Variants in PRKCE observed in about 807,000 individuals in gnomAD.
PRKCE encodes protein kinase C epsilon type.
PRKCE carries 16 observed loss-of-function variants against 85.4 expected under a neutral mutation model. The observed-to-expected ratio is 0.19, with a 90% CI of 0.13 to 0.28. The LOEUF (loss-of-function observed/expected upper bound fraction) is 0.28, where lower values mean the gene tolerates loss of function less well. PRKCE is among the 10% of genes least tolerant of loss of function. The pLI is 1.00. For missense variants in PRKCE, 573 were observed against 975.2 expected (o/e 0.59, Z 5.49); for synonymous variants, 388 against 371.5 (o/e 1.04, Z -0.51).
rs77289211 is a variant in PRKCE, at chr2:45,848,753, A to G, written c.412+5690A>G. The stretch of plus-strand genomic sequence containing the variant: ...TTGCCTTCAAGGAGCTTGCAATTCA[A>G]TTAGGCACCCTAGACTTGCAGGATG... On this transcript the variant is annotated intron_variant, in intron 2 of 14. Coordinates refer to ENST00000306156, the MANE Select transcript of PRKCE (RefSeq NM_005400.3). 9.0e-3 allele frequency among the ~76,000 whole-genome samples: 1,368 copies of G among 152,348 alleles called. 6 individuals carry two copies. Among genetic ancestry groups the G allele is most frequent in the African/African-American group, 0.011 (451 of 41,586 alleles).
At chr2:45,790,072 T>C (rs1276296576) in intron 1 of PRKCE, among the ~76,000 whole-genome samples, 1 of 152,172 alleles carries the variant, frequency 6.6e-6, no homozygotes, top group Non-Finnish European at 1.5e-5. Context: ...AAGTGGTTTG[T>C]GGAAAGATCA....
intron 11 of PRKCE, among the ~76,000 whole-genome samples, chr2:46,121,241 G>A (rs1673286801): frequency 6.6e-6 from 1 of 152,184 alleles, no homozygotes; most frequent in African/African-American, 2.4e-5. Flanking sequence ...CATTCTTGGG[G>A]TTAATAAGCT....
chr2:45,662,732 C>T (rs771134652), intron 1 of PRKCE, among the ~76,000 whole-genome samples: 1 of 151,116 alleles, frequency 6.6e-6, no homozygotes. Context: ...TTGTTGTGAT[C>T]GAAATCACAA....
At chr2:45,690,063 C>A (rs187130799) in intron 1 of PRKCE, among the ~76,000 whole-genome samples, 31 of 152,254 alleles carry the variant, frequency 2.0e-4, no homozygotes, top group African/African-American at 7.2e-4. Flanking sequence ...GCACACTATC[C>A]TGCTTCTTGC....
intron 14 of PRKCE, among the ~76,000 whole-genome samples, chr2:46,180,206 T>C (rs1679831855): frequency 6.6e-6 from 1 of 152,034 alleles, no homozygotes; most frequent in Non-Finnish European, 1.5e-5. Flanking sequence ...AGAAAGGGCA[T>C]GTACATGGAG....
chr2:46,163,292 G>T (rs1677958129), intron 14 of PRKCE, among the ~76,000 whole-genome samples: 2 of 150,890 alleles, frequency 1.3e-5, no homozygotes, highest in South Asian at 4.2e-4. Flanking sequence ...CATCCCCATA[G>T]AGGCCACTGA....
At chr2:46,031,391 A>T (rs573498579) in intron 10 of PRKCE, among the ~76,000 whole-genome samples, 1 of 152,094 alleles carries the variant, frequency 6.6e-6, no homozygotes, top group African/African-American at 2.4e-5. Context: ...CCCACTGATC[A>T]TCTCACATCC....
At chr2:45,791,202 C>A (rs993556874) in intron 1 of PRKCE, among the ~76,000 whole-genome samples, 2 of 152,212 alleles carry the variant, frequency 1.3e-5, no homozygotes, top group African/African-American at 4.8e-5. Context: ...TCATTCCCAC[C>A]TAATCAGCCC....
intron 2 of PRKCE, among the ~76,000 whole-genome samples, chr2:45,858,744 A>G (rs1195504354): frequency 2.6e-5 from 4 of 152,094 alleles, no homozygotes; most frequent in African/African-American, 9.7e-5. Context: ...TTTGAGCTTT[A>G]CTTAAATAGT....
intron 10 of PRKCE, among the ~76,000 whole-genome samples, chr2:46,018,371 C>T (rs893650078): frequency 1.3e-5 from 2 of 152,074 alleles, no homozygotes; most frequent in Non-Finnish European, 2.9e-5. Context: ...AACTTGAAGC[C>T]TCATGGGAGC....
intron 1 of PRKCE, among the ~76,000 whole-genome samples, chr2:45,762,407 C>T (rs530018282): frequency 1.3e-5 from 2 of 152,316 alleles, no homozygotes; most frequent in South Asian, 4.1e-4. Context: ...CCCTGCTGAA[C>T]TTTGTCACTT....
chr2:45,651,897 C>G lies in PRKCE; in HGVS notation c.-204C>G. ...CCCAGCTCTCCCCCCTCCCTGTTTT[C>G]CGTTAGGAACCCGGCGAGGAAATAC... On this transcript the variant is annotated 5_prime_UTR_variant, in exon 1 of 15. Transcript: ENST00000306156. 1 of 495,048 alleles carries G rather than the reference C, an allele frequency of 2.0e-6. No individual in the cohort carries two copies. The highest frequency in any genetic ancestry group is 3.6e-6 in the Non-Finnish European group (1 of 281,606). The allele number at this position is 495,048 out of a possible 1,614,324, so 30.7% of individuals were successfully genotyped here.
At chr2:45,969,330 C>G (rs1701950376) in intron 2 of PRKCE, among the ~76,000 whole-genome samples, 1 of 152,154 alleles carries the variant, frequency 6.6e-6, no homozygotes, top group Admixed American at 6.5e-5. Context: ...CAGATGCAGG[C>G]ATAAAACAAC....
chr2:45,716,379 T>C (rs534602525), intron 1 of PRKCE, among the ~76,000 whole-genome samples: 1 of 152,144 alleles, frequency 6.6e-6, no homozygotes, highest in Admixed American at 6.5e-5. Context: ...TAGCCAGGCG[T>C]GGTGTCGCAT....
At chr2:46,006,369 G>C (rs1705201601) in intron 8 of PRKCE, among the ~76,000 whole-genome samples, 1 of 152,160 alleles carries the variant, frequency 6.6e-6, no homozygotes, top group Non-Finnish European at 1.5e-5. Flanking sequence ...AACTGGCAAG[G>C]GGAGTGTCTG....
At chr2:45,726,393 C>T (rs1235308126) in intron 1 of PRKCE, among the ~76,000 whole-genome samples, 6 of 152,180 alleles carry the variant, frequency 3.9e-5, no homozygotes, top group Non-Finnish European at 5.9e-5. Context: ...GCCACCCTGA[C>T]CTTCAGCAAT....
intron 14 of PRKCE, among the ~76,000 whole-genome samples, chr2:46,181,144 T>C (rs1679936457): frequency 6.6e-6 from 1 of 152,192 alleles, no homozygotes; most frequent in African/African-American, 2.4e-5. Flanking sequence ...GTAGCAGCTT[T>C]TCAAAGAATA....
chr2:45,850,649 T>A (rs1336768767), intron 2 of PRKCE, among the ~76,000 whole-genome samples: 1 of 152,238 alleles, frequency 6.6e-6, no homozygotes, highest in East Asian at 1.9e-4. Context: ...TACCTAGCTT[T>A]GTTGAAACAT....
intron 3 of PRKCE, 190 bp from the exon 4 acceptor site, chr2:45,978,786 A>G (rs2249633): frequency 0.37 from 208,827 of 566,764 alleles, 42,207 homozygotes; most frequent in East Asian, 0.74. Flanking sequence ...AAGCACTGGG[A>G]CTGCCCTCTG....
Sources: gnomAD v4.1 joint callset for allele counts (sites outside exome capture counted in the v4.1 genomes callset) on GRCh38, gnomAD v4.1.1 for gene constraint, MANE v1.5 for transcripts, NCBI Gene and HGNC (gene_info 2026-07-23, HGNC 2026-07-21) for gene names.